The following CLOCK variants were observed in gnomAD, a reference collection of about 807,000 sequenced individuals.
The protein encoded by CLOCK is circadian locomoter output cycles protein kaput.
In CLOCK, 43 loss-of-function variants were observed where a neutral mutation model predicts 118.4. That is an observed-to-expected ratio of 0.36 (90% CI 0.28 to 0.47). The LOEUF (loss-of-function observed/expected upper bound fraction) is 0.47. Ranked by LOEUF, CLOCK falls within the 20% of genes least tolerant of loss-of-function variation. CLOCK has a pLI of 1.00. For synonymous variants in CLOCK, 326 were observed against 339.2 expected, an observed-to-expected ratio of 0.96 and a Z score of 0.43; for missense variants, 846 against 999.9, an observed-to-expected ratio of 0.85 and a Z score of 2.08.
chr4:55,442,596 T>A lies in CLOCK; in HGVS notation c.1941A>T (p.Thr647=). The A allele has an allele frequency of 1.2e-6, 2 of 1,612,790 alleles. No individual in the cohort carries two copies. The highest frequency in any genetic ancestry group is 1.7e-6 in the Non-Finnish European group (2 of 1,179,812). The part of the protein sequence containing the change: ...QNVLSGHSQQ[T]SLPSQTQSTL... ...TGCTCTGTGTCTGACTGGGTAGAGATGTTTGCTGACTGTGCCCACTCAGTA... is the reference window on the plus strand; with the variant it reads ...TGCTCTGTGTCTGACTGGGTAGAGAAGTTTGCTGACTGTGCCCACTCAGTA... Residue 647 remains threonine (T), a synonymous_variant, in exon 21 of 23, where the codon ACA becomes ACT. Coordinates refer to ENST00000513440, the MANE Select transcript of CLOCK (RefSeq NM_004898.4).
At chr4:55,466,292 G>A (rs568946790) in intron 8 of CLOCK, among the ~76,000 whole-genome samples, 2 of 152,236 alleles carry the variant, frequency 1.3e-5, no homozygotes, top group African/African-American at 4.8e-5. Context: ...GAAGAGGGAC[G>A]TGTTTGCTTC....
intron 7 of CLOCK, among the ~76,000 whole-genome samples, chr4:55,472,837 T>C (rs1022928343): frequency 6.6e-6 from 1 of 152,076 alleles, no homozygotes; most frequent in Admixed American, 6.5e-5. Context: ...TCTTTGCTAA[T>C]ATAGAAGTAG....
chr4:55,476,389 C>T (rs938024856), intron 6 of CLOCK, among the ~76,000 whole-genome samples: 2 of 152,040 alleles, frequency 1.3e-5, no homozygotes, highest in Non-Finnish European at 2.9e-5. Flanking sequence ...TGAAGCAATT[C>T]TTTTTTTCCT....
chr4:55,446,994 G>A (rs1201748344), intron 18 of CLOCK, among the ~76,000 whole-genome samples: 1 of 151,492 alleles, frequency 6.6e-6, no homozygotes, highest in Non-Finnish European at 1.5e-5. Context: ...TGTTAAACGT[G>A]GTTGAGAAAA....
At chr4:55,520,019 G>C (rs1336814654) in intron 1 of CLOCK, among the ~76,000 whole-genome samples, 1 of 152,038 alleles carries the variant, frequency 6.6e-6, no homozygotes, top group African/African-American at 2.4e-5. Context: ...CACCTGCAAA[G>C]GTTGCATATT....
Position 55,433,586 on chromosome 4 carries a change from T to C in CLOCK, c.*1829A>G, listed in dbSNP as rs894445098. On this transcript the variant is annotated 3_prime_UTR_variant, in exon 23 of 23. Transcript: ENST00000513440. ...TAACAACCTCAACTCTGTTACACATTTTCTTTTGAGGTCAATTTTGATTTA... is the reference window on the plus strand; with the variant it reads ...TAACAACCTCAACTCTGTTACACATCTTCTTTTGAGGTCAATTTTGATTTA... The C allele has an allele frequency of 2.0e-5, 3 of 152,192 alleles. No homozygotes were observed. The highest frequency in any genetic ancestry group is 7.2e-5 in the African/African-American group (3 of 41,456). The allele number at this position is 152,192 out of a possible 1,614,324, so 9.4% of individuals were successfully genotyped here.
chr4:55,448,568 C>G (rs1724081144), intron 18 of CLOCK, among the ~76,000 whole-genome samples: 1 of 150,034 alleles, frequency 6.7e-6, no homozygotes, highest in African/African-American at 2.4e-5. Flanking sequence ...GCATCTGTAA[C>G]TATAATTATA....
chr4:55,541,084 C>G (rs556728665), intron 1 of CLOCK, among the ~76,000 whole-genome samples: 1 of 152,208 alleles, frequency 6.6e-6, no homozygotes, highest in African/African-American at 2.4e-5. Flanking sequence ...TGTGAAATAT[C>G]CAACTAAAGT....
At chr4:55,526,536 C>A (rs1236914501) in intron 1 of CLOCK, among the ~76,000 whole-genome samples, 2 of 152,122 alleles carry the variant, frequency 1.3e-5, no homozygotes, top group African/African-American at 4.8e-5. Context: ...AGCAATGTCA[C>A]ATTCAAGAAG....
Position 55,476,014 on chromosome 4 carries a change from G to A in CLOCK, c.297C>T (p.Asp99=). 6.2e-7 allele frequency: 1 copy of A among 1,613,070 alleles called. No homozygotes were observed. Among genetic ancestry groups the A allele is most frequent in the Non-Finnish European group, 8.5e-7 (1 of 1,179,210 alleles). The change falls in exon 7 of 23, where the codon GAC becomes GAT. Residue 99 remains aspartate, a synonymous_variant. Transcript: ENST00000513440. ...AQSDASEIRQ[D]WKPTFLSNEE... is the part of the protein sequence containing the mutation. Reference sequence around the variant, plus strand: ...CATTACTAAGGAATGTAGGTTTCCAGTCCTGTCGAATTTCACTAGCATCTG... The same window carrying A: ...CATTACTAAGGAATGTAGGTTTCCAATCCTGTCGAATTTCACTAGCATCTG...
intron 7 of CLOCK, among the ~76,000 whole-genome samples, chr4:55,472,743 T>C (rs1370864061): frequency 1.3e-5 from 2 of 151,006 alleles, no homozygotes. Flanking sequence ...GTCCCCCCCC[T>C]TCTTTTGGGA....
intron 6 of CLOCK, 48 bp downstream of exon 6, chr4:55,478,767 A>C (rs775330169): frequency 6.3e-7 from 1 of 1,578,442 alleles, no homozygotes; most frequent in South Asian, 1.1e-5. Context: ...CCAAGATTCT[A>C]ACTAATGCTT....
At position 55,444,793 on chromosome 4, in the gene CLOCK, A is replaced by G. The variant is rs780638109; in HGVS notation, c.1540-8T>C. On this transcript the variant is annotated splice_region_variant and splice_polypyrimidine_tract_variant and intron_variant, in intron 18 of 22. Coordinates refer to ENST00000513440, the MANE Select transcript of CLOCK (RefSeq NM_004898.4). Reference sequence around the variant, plus strand: ...TTGAGCTGAAAACTGAAACTGAAGTACCATGTACGGAAAAAGTGTAATATA... The same window carrying G: ...TTGAGCTGAAAACTGAAACTGAAGTGCCATGTACGGAAAAAGTGTAATATA... The G allele has an allele frequency of 1.9e-6, 3 of 1,613,548 alleles. No homozygotes were observed. In the South Asian group the frequency reaches 3.3e-5, roughly 18 times the overall value.
chr4:55,466,456 T>G (rs1725746677), intron 8 of CLOCK, among the ~76,000 whole-genome samples: 1 of 152,202 alleles, frequency 6.6e-6, no homozygotes, highest in African/African-American at 2.4e-5. Flanking sequence ...TAGAAAAACA[T>G]GCCACCAACT....
intron 3 of CLOCK, among the ~76,000 whole-genome samples, chr4:55,485,027 G>A (rs1032799366): frequency 2.6e-5 from 4 of 151,936 alleles, no homozygotes; most frequent in East Asian, 3.9e-4. Context: ...GCAGTGGCAC[G>A]ATCTCATCTC....
intron 22 of CLOCK, among the ~76,000 whole-genome samples, chr4:55,437,440 TTTCTC>T (rs1411551645): frequency 2.0e-5 from 3 of 152,200 alleles, no homozygotes; most frequent in African/African-American, 7.2e-5. Flanking sequence ...GTTTTGTACA[TTTCTC>T]TGCTGAGGAT....
chr4:55,448,512 CA>C (rs1724075334), intron 18 of CLOCK, among the ~76,000 whole-genome samples: 1 of 151,952 alleles, frequency 6.6e-6, no homozygotes, highest in Admixed American at 6.6e-5. Flanking sequence ...TTACAACAAT[CA>C]AAAATGTCCC....
At position 55,459,158 on chromosome 4, in the gene CLOCK, A is replaced by C. The variant is rs928476011; in HGVS notation, c.663T>G (p.Ser221=). Residue 221 remains serine (S), a synonymous_variant, in exon 10 of 23, where the codon TCT becomes TCG. Coordinates refer to ENST00000513440, the MANE Select transcript of CLOCK (RefSeq NM_004898.4). The part of the protein sequence containing the change: ...EYVKFIGNFK[S]LNSVSSSAHN... Reference sequence around the variant, plus strand: ...AGCATTTTAACTCACCACTGTTTAAAGATTTGAAATTTCCTATAAATTTTA... The same window carrying C: ...AGCATTTTAACTCACCACTGTTTAACGATTTGAAATTTCCTATAAATTTTA... 29 of 1,584,862 alleles carry C rather than the reference A, an allele frequency of 1.8e-5. No individual in the cohort carries two copies. The highest frequency in any genetic ancestry group is 2.5e-5 in the Non-Finnish European group (29 of 1,153,516).
At chr4:55,544,220 G>T (rs1269237784) in intron 1 of CLOCK, among the ~76,000 whole-genome samples, 1 of 151,428 alleles carries the variant, frequency 6.6e-6, no homozygotes, top group Admixed American at 6.6e-5. Context: ...CTTTCACTGG[G>T]GTTCATGTTT....
Sources: gnomAD v4.1 joint callset for allele counts (sites outside exome capture counted in the v4.1 genomes callset) on GRCh38, gnomAD v4.1.1 for gene constraint, MANE v1.5 for transcripts, NCBI Gene and HGNC (gene_info 2026-07-23, HGNC 2026-07-21) for gene names.